The following EFCAB8 variants were observed in gnomAD, a reference collection of about 807,000 sequenced individuals.
EFCAB8 encodes the protein EF-hand calcium-binding domain-containing protein 8.
EFCAB8 carries 100 observed loss-of-function variants against 116.3 expected under a neutral mutation model. The ratio of observed to expected loss-of-function variants is 0.86; its 90% CI spans 0.73 to 1.02. The LOEUF is 1.02. Ranked by LOEUF, EFCAB8 falls within the 50% of genes least tolerant of loss-of-function variation. The pLI is 0.00. For missense variants in EFCAB8, 1,320 were observed against 1,416.9 expected (o/e 0.93, Z 1.10); for synonymous variants, 558 against 567.9 (o/e 0.98, Z 0.25).
At chr20:32,861,796 A>ATAAACATC (rs1444898417) in intron 1 of EFCAB8, among the ~76,000 whole-genome samples, 1 of 152,236 alleles carries the variant, frequency 6.6e-6, no homozygotes, top group Non-Finnish European at 1.5e-5. Flanking sequence ...GATTTAGGCT[A>ATAAACATC]TAAACATCTT....
chr20:32,926,046 G>A (rs1160829277), intron 20 of EFCAB8, among the ~76,000 whole-genome samples: 2 of 152,200 alleles, frequency 1.3e-5, no homozygotes, highest in Non-Finnish European at 2.9e-5. Flanking sequence ...TGCTGGCTAC[G>A]CAGTTGACCC....
chr20:32,896,304 GAC>G (rs1162542314), intron 9 of EFCAB8, 148 bp from the exon 10 acceptor site: 1 of 624,330 alleles, frequency 1.6e-6, no homozygotes, highest in African/African-American at 1.8e-5. Flanking sequence ...AGCTCACCAG[GAC>G]ACAGTGAGGT....
intron 8 of EFCAB8, among the ~76,000 whole-genome samples, chr20:32,892,881 C>T (rs902139165): frequency 2.4e-4 from 36 of 148,634 alleles, no homozygotes; most frequent in Non-Finnish European, 4.1e-4. Flanking sequence ...CACTCTGTGT[C>T]CCAGGCTGGA....
intron 20 of EFCAB8, among the ~76,000 whole-genome samples, chr20:32,925,410 G>A (rs899295977): frequency 6.6e-6 from 1 of 152,048 alleles, no homozygotes; most frequent in African/African-American, 2.4e-5. Context: ...ATGGAGACAG[G>A]GTTTCACCAT....
intron 6 of EFCAB8, among the ~76,000 whole-genome samples, chr20:32,886,328 G>A (rs778772824): frequency 6.6e-6 from 1 of 152,206 alleles, no homozygotes; most frequent in Non-Finnish European, 1.5e-5. Context: ...GCTCTTGGCT[G>A]AGAGTAGTAA....
At chr20:32,860,493 CTTTTTT>C (rs71190881) in intron 1 of EFCAB8, among the ~76,000 whole-genome samples, 7 of 83,992 alleles carry the variant, frequency 8.3e-5, no homozygotes, top group African/African-American at 3.9e-4. Context: ...ATGGTGGTAA[CTTTTTT>C]TTTTTTTTTT....
chr20:32,931,822 C>T (rs1031302175), intron 22 of EFCAB8, among the ~76,000 whole-genome samples: 1 of 152,100 alleles, frequency 6.6e-6, no homozygotes, highest in African/African-American at 2.4e-5. Flanking sequence ...TGCCCATCAC[C>T]GTAGACTGGA....
chr20:32,909,189 C>T (rs1428987749), intron 14 of EFCAB8, among the ~76,000 whole-genome samples: 1 of 152,234 alleles, frequency 6.6e-6, no homozygotes, highest in African/African-American at 2.4e-5. Context: ...TTGGCTGGCC[C>T]TCCCCTAGAC....
At chr20:32,945,715 A>C (rs1308831478) in intron 23 of EFCAB8, among the ~76,000 whole-genome samples, 2 of 152,120 alleles carry the variant, frequency 1.3e-5, no homozygotes, top group African/African-American at 4.8e-5. Context: ...CACCTCTCCC[A>C]GTCTTTATAT....
rs2146239574 is a variant in EFCAB8 at position 32,908,325 on chromosome 20, T to C, written c.1359T>C (p.Cys453=). ...MLDYICLQSF[C]GKFFALGNCP... ...ACTACATATGCCTCCAGTCCTTCTG[T>C]GGGAAGTTTTTTGCTCTGGGAAACT... The change falls in exon 14 of 27, where the codon TGT becomes TGC. Residue 453 remains cysteine, a synonymous_variant. Coordinates refer to ENST00000400522, the MANE Select transcript of EFCAB8 (RefSeq NM_001143967.2). The C allele has an allele frequency of 1.6e-6, 2 of 1,249,922 alleles. No homozygotes were observed. Among genetic ancestry groups the C allele is most frequent in the Non-Finnish European group, 2.0e-6 (2 of 988,260 alleles). The allele number at this position is 1,249,922 out of a possible 1,614,324, so 77.4% of individuals were successfully genotyped here.
At chr20:32,860,041 A>G (rs1440547375) in intron 1 of EFCAB8, among the ~76,000 whole-genome samples, 1 of 152,130 alleles carries the variant, frequency 6.6e-6, no homozygotes, top group East Asian at 1.9e-4. Flanking sequence ...GCGGTGACTC[A>G]CGCCTGTAAT....
chr20:32,927,368 A>T (rs1452903357), intron 20 of EFCAB8, among the ~76,000 whole-genome samples: 3 of 152,028 alleles, frequency 2.0e-5, no homozygotes, highest in African/African-American at 7.2e-5. Flanking sequence ...TTTTTGAGAC[A>T]GAGTCTCACT....
chr20:32,948,814 T>G (rs1369742726), intron 23 of EFCAB8, among the ~76,000 whole-genome samples: 1 of 152,136 alleles, frequency 6.6e-6, no homozygotes, highest in African/African-American at 2.4e-5. Flanking sequence ...CAACATCCAT[T>G]TCTGATAAAA....
intron 5 of EFCAB8, among the ~76,000 whole-genome samples, chr20:32,882,679 C>T (rs562944838): frequency 6.6e-6 from 1 of 152,082 alleles, no homozygotes; most frequent in African/African-American, 2.4e-5. Flanking sequence ...CGCCACCACG[C>T]CTGGCCGATT....
At chr20:32,948,580 G>GAA (rs1555871381) in intron 23 of EFCAB8, among the ~76,000 whole-genome samples, 136 of 135,630 alleles carry the variant, frequency 1.0e-3, no homozygotes, top group African/African-American at 2.4e-3. Context: ...AAGAAAGAAA[G>GAA]AAAAGAAAGG....
At chr20:32,923,556 GCTGT>G (rs968205534) in intron 20 of EFCAB8, among the ~76,000 whole-genome samples, 2 of 152,108 alleles carry the variant, frequency 1.3e-5, no homozygotes, top group Admixed American at 1.3e-4. Context: ...TAAAAGAATG[GCTGT>G]CTCCCTCCTC....
At chr20:32,869,864 A>C (rs1382542723) in intron 3 of EFCAB8, among the ~76,000 whole-genome samples, 1 of 152,222 alleles carries the variant, frequency 6.6e-6, no homozygotes, top group Non-Finnish European at 1.5e-5. Context: ...TAACAGAGGC[A>C]GTTGTTTCAC....
At chr20:32,877,649 A>G (rs1371176576) in intron 4 of EFCAB8, among the ~76,000 whole-genome samples, 1 of 152,062 alleles carries the variant, frequency 6.6e-6, no homozygotes, top group East Asian at 1.9e-4. Flanking sequence ...CTTGTTTACA[A>G]CCCCGTTTCT....
At position 32,867,596 on chromosome 20, in the gene EFCAB8, T is replaced by C. The variant is rs1367241592; in HGVS notation, c.57T>C (p.His19=). 2.1e-5 allele frequency: 33 copies of C among 1,551,520 alleles called. No homozygotes were observed. Among genetic ancestry groups the C allele is most frequent in the Non-Finnish European group, 2.6e-5 (30 of 1,146,970 alleles). The change falls in exon 3 of 27, where the codon CAT becomes CAC. Residue 19 remains histidine (H), a synonymous_variant. Coordinates refer to ENST00000400522, the MANE Select transcript of EFCAB8 (RefSeq NM_001143967.2). Reference sequence around the variant, plus strand: ...ATTCGTTCCAGCTGTCCATCCCACATGGCTTCCAGAACAAGGAGGCTGCTA... The same window carrying C: ...ATTCGTTCCAGCTGTCCATCCCACACGGCTTCCAGAACAAGGAGGCTGCTA... The part of the protein sequence containing the change: ...IPQLQKLSIP[H]GFQNKEAASS...
Sources: gnomAD v4.1 joint callset for allele counts (sites outside exome capture counted in the v4.1 genomes callset) on GRCh38, gnomAD v4.1.1 for gene constraint, MANE v1.5 for transcripts, NCBI Gene and HGNC (gene_info 2026-07-23, HGNC 2026-07-21) for gene names.